The following HS3ST5 variants were observed in gnomAD, a reference collection of about 807,000 sequenced individuals.
HS3ST5 encodes heparan sulfate-glucosamine 3-sulfotransferase 5.
Under a neutral mutation model 25.4 loss-of-function variants are expected in HS3ST5, and 10 were observed. That is an observed-to-expected ratio of 0.39 (90% CI 0.24 to 0.67). HS3ST5 has a LOEUF of 0.67. Ranked by LOEUF, HS3ST5 falls within the 30% of genes least tolerant of loss-of-function variation. The pLI, the probability that HS3ST5 is intolerant of heterozygous loss-of-function variation, is 0.44. For missense variants in HS3ST5, 324 were observed against 420.7 expected, an observed-to-expected ratio of 0.77 and a Z score of 2.01; for synonymous variants, 170 against 162.4, an observed-to-expected ratio of 1.05 and a Z score of -0.36.
At chr6:114,273,834 G>C (rs1170656131) in intron 1 of HS3ST5, among the ~76,000 whole-genome samples, 1 of 151,998 alleles carries the variant, frequency 6.6e-6, no homozygotes, top group African/African-American at 2.4e-5. Flanking sequence ...GTCCAAGAGA[G>C]GGGAGAAGAG....
At chr6:114,237,580 G>A (rs1771917422) in intron 1 of HS3ST5, among the ~76,000 whole-genome samples, 1 of 152,126 alleles carries the variant, frequency 6.6e-6, no homozygotes, top group Admixed American at 6.5e-5. Flanking sequence ...GGTCTGGGGT[G>A]GAGAAACTGA....
At chr6:114,111,293 A>G (rs1776255303) in intron 3 of HS3ST5, among the ~76,000 whole-genome samples, 1 of 152,248 alleles carries the variant, frequency 6.6e-6, no homozygotes, top group African/African-American at 2.4e-5. Flanking sequence ...GATGGCACAT[A>G]TTTGTATTGC....
chr6:114,188,908 C>A (rs531142127), intron 2 of HS3ST5, among the ~76,000 whole-genome samples: 1 of 152,266 alleles, frequency 6.6e-6, no homozygotes, highest in South Asian at 2.1e-4. Flanking sequence ...TCTCTTAGAG[C>A]CTTCTGCCTG....
intron 3 of HS3ST5, among the ~76,000 whole-genome samples, chr6:114,075,425 TTTC>T (rs1445122645): frequency 6.6e-6 from 1 of 152,196 alleles, no homozygotes; most frequent in Non-Finnish European, 1.5e-5. Flanking sequence ...ACAAGACTCT[TTTC>T]TTCAAAAACC....
chr6:114,203,944 G>C (rs1044083396), intron 2 of HS3ST5, among the ~76,000 whole-genome samples: 4 of 152,102 alleles, frequency 2.6e-5, no homozygotes, highest in Admixed American at 2.0e-4. Context: ...TAAAGAAAAG[G>C]CATACAAATT....
intron 2 of HS3ST5, among the ~76,000 whole-genome samples, chr6:114,198,098 G>C (rs1780846936): frequency 2.0e-5 from 3 of 152,056 alleles, no homozygotes; most frequent in African/African-American, 7.2e-5. Flanking sequence ...GAAGCAAATT[G>C]AACTTTTGGA....
At chr6:114,287,128 A>G (rs1411368392) in intron 1 of HS3ST5, among the ~76,000 whole-genome samples, 1 of 152,008 alleles carries the variant, frequency 6.6e-6, no homozygotes, top group African/African-American at 2.4e-5. Context: ...ACAGACAATT[A>G]TAAATAAGAA....
At chr6:114,155,060 G>C (rs779472605) in intron 3 of HS3ST5, among the ~76,000 whole-genome samples, 8 of 152,182 alleles carry the variant, frequency 5.3e-5, no homozygotes, top group Non-Finnish European at 8.8e-5. Flanking sequence ...CCAGCACGGA[G>C]AGGCACCCTT....
intron 3 of HS3ST5, among the ~76,000 whole-genome samples, chr6:114,073,877 C>T (rs1241803194): frequency 1.3e-5 from 2 of 152,132 alleles, no homozygotes; most frequent in Non-Finnish European, 2.9e-5. Flanking sequence ...TTCACAATAG[C>T]AAAGACTTGG....
At chr6:114,224,704 A>C (rs1782207817) in intron 2 of HS3ST5, among the ~76,000 whole-genome samples, 1 of 150,662 alleles carries the variant, frequency 6.6e-6, no homozygotes, top group Non-Finnish European at 1.5e-5. Flanking sequence ...ATATATACAC[A>C]CACACACACA....
intron 3 of HS3ST5, among the ~76,000 whole-genome samples, chr6:114,106,288 G>A (rs995683744): frequency 3.3e-5 from 5 of 151,830 alleles, no homozygotes; most frequent in African/African-American, 9.7e-5. Flanking sequence ...TAGACCTATC[G>A]AATAAAATGA....
chr6:114,310,585 A>C (rs1056920869), intron 1 of HS3ST5, among the ~76,000 whole-genome samples: 1 of 151,076 alleles, frequency 6.6e-6, no homozygotes, highest in Non-Finnish European at 1.5e-5. Flanking sequence ...GGCCTTTTGC[A>C]TCTAGGTAGA....
intron 2 of HS3ST5, among the ~76,000 whole-genome samples, chr6:114,170,622 C>T (rs1038311033): frequency 6.6e-6 from 1 of 152,114 alleles, no homozygotes; most frequent in Non-Finnish European, 1.5e-5. Context: ...GATTCAACAT[C>T]AAACTGACAA....
At chr6:114,280,844 T>C (rs1475932577) in intron 1 of HS3ST5, among the ~76,000 whole-genome samples, 2 of 151,970 alleles carry the variant, frequency 1.3e-5, no homozygotes, top group African/African-American at 4.8e-5. Flanking sequence ...AATAAATAAG[T>C]AATAAATTCA....
intron 3 of HS3ST5, among the ~76,000 whole-genome samples, chr6:114,168,082 GAAAAT>G (rs1181814929): frequency 6.6e-5 from 10 of 152,020 alleles, no homozygotes; most frequent in Non-Finnish European, 1.3e-4. Context: ...ACACGCAAAA[GAAAAT>G]CAATAAAAAA....
At chr6:114,181,749 T>C (rs919229929) in intron 2 of HS3ST5, among the ~76,000 whole-genome samples, 5 of 152,186 alleles carry the variant, frequency 3.3e-5, no homozygotes, top group African/African-American at 1.2e-4. Context: ...TTTTAGACAT[T>C]ACTAAAATGT....
At chr6:114,335,550 C>T (rs903866570) in intron 1 of HS3ST5, among the ~76,000 whole-genome samples, 5 of 152,144 alleles carry the variant, frequency 3.3e-5, no homozygotes, top group Non-Finnish European at 7.3e-5. Flanking sequence ...CCATTTACTA[C>T]ATCTGGATAA....
chr6:114,161,521 TTATATATATATATATATATATA>T (rs59921019), intron 3 of HS3ST5, among the ~76,000 whole-genome samples: 372 of 33,552 alleles, frequency 0.011, 22 homozygotes, highest in East Asian at 0.023. Flanking sequence ...TCCTGAAGTT[TTATATATATATATATATATATA>T]TATATATATA....
At chr6:114,159,228 T>A (rs1440059915) in intron 3 of HS3ST5, among the ~76,000 whole-genome samples, 1 of 152,184 alleles carries the variant, frequency 6.6e-6, no homozygotes, top group African/African-American at 2.4e-5. Flanking sequence ...GGCCCAGCCA[T>A]TCCACTCCTT....
Sources: gnomAD v4.1 joint callset for allele counts (sites outside exome capture counted in the v4.1 genomes callset) on GRCh38, gnomAD v4.1.1 for gene constraint, MANE v1.5 for transcripts, NCBI Gene and HGNC (gene_info 2026-07-23, HGNC 2026-07-21) for gene names.